Variants in SHTN1 observed in about 807,000 individuals in gnomAD.
SHTN1 encodes the protein shootin-1.
A neutral mutation model predicts 83.1 loss-of-function variants in SHTN1; 42 were observed. The ratio of observed to expected loss-of-function variants is 0.51; its 90% CI spans 0.39 to 0.65. The LOEUF is 0.65. Among genes scored for constraint, SHTN1 ranks in the 30% least tolerant of loss-of-function variants. The pLI, the probability that SHTN1 is intolerant of heterozygous loss-of-function variation, is 0.00. For synonymous variants in SHTN1, 224 were observed against 247.7 expected (o/e 0.90, Z 0.90); for missense variants, 622 against 737.8 (o/e 0.84, Z 1.82).
In SHTN1 at chr10:116,886,532, T is replaced by A. The variant is rs2133294425; in HGVS notation, c.1708A>T (p.Ile570Phe). 4 of 1,614,188 alleles carry A rather than the reference T, an allele frequency of 2.5e-6. No homozygotes were observed. The highest frequency in any genetic ancestry group is 2.5e-6 in the Non-Finnish European group (3 of 1,180,042). The change falls in exon 17 of 17, where the codon ATT (isoleucine) becomes TTT (phenylalanine). Residue 570 changes from isoleucine to phenylalanine, a missense_variant. Transcript: ENST00000355371. ...PSSIGCRKKY[I>F]DGEKQAEPVV... Reference sequence around the variant, plus strand: ...GGTTCGGCTTGTTTTTCACCGTCAATGTATTTTTTCCTGCATCCAATGCTA... The same window carrying A: ...GGTTCGGCTTGTTTTTCACCGTCAAAGTATTTTTTCCTGCATCCAATGCTA...
At chr10:117,051,040 G>T (rs190585911) in intron 1 of SHTN1, among the ~76,000 whole-genome samples, 1 of 152,172 alleles carries the variant, frequency 6.6e-6, no homozygotes, top group Non-Finnish European at 1.5e-5. Context: ...CTGGGTGACA[G>T]AGTGAGATCC....
chr10:117,072,293 TG>T (rs1853092632), intron 1 of SHTN1, among the ~76,000 whole-genome samples: 1 of 152,130 alleles, frequency 6.6e-6, no homozygotes, highest in South Asian at 2.1e-4. Context: ...TTTGTGATTG[TG>T]GTTCCATCAT....
chr10:117,056,900 G>A (rs1852833587), intron 1 of SHTN1, among the ~76,000 whole-genome samples: 1 of 152,136 alleles, frequency 6.6e-6, no homozygotes, highest in Non-Finnish European at 1.5e-5. Context: ...GTTGATAAAA[G>A]CATCTATAAA....
rs371207144 is a variant in SHTN1, at chr10:117,053,669, G to A, written c.-188-5159C>T. 5.3e-5 allele frequency among the ~76,000 whole-genome samples: 8 copies of A among 152,250 alleles called. No individual in the cohort carries two copies. In the East Asian group the frequency reaches 7.7e-4, roughly 15 times the overall value. ...CGCATTGCTAGTGAGAACATGAAAT[G>A]GTGCACATACTGTGGAAAACAGTTT... is the stretch of plus-strand genomic sequence containing the variant. On this transcript the variant is annotated intron_variant, in intron 1 of 17. Transcript: ENST00000392901.
chr10:117,102,065 TAA>T (rs199716651), intron 1 of SHTN1, among the ~76,000 whole-genome samples: 9 of 136,876 alleles, frequency 6.6e-5, no homozygotes, highest in Non-Finnish European at 9.6e-5. Context: ...ACTTTGTTCT[TAA>T]AAAAAAAAAA....
At chr10:116,893,562 A>C (rs1356098616) in intron 16 of SHTN1, among the ~76,000 whole-genome samples, 1 of 151,472 alleles carries the variant, frequency 6.6e-6, no homozygotes, top group African/African-American at 2.4e-5. Flanking sequence ...CCCCTCCCTG[A>C]TAGGCACTCA....
intron 9 of SHTN1, 89 bp from the exon 10 acceptor site, chr10:116,930,091 T>C: frequency 1.2e-6 from 1 of 805,690 alleles, no homozygotes; most frequent in East Asian, 2.7e-5. Context: ...ATATTTCCCT[T>C]TGACTGTACT....
At chr10:117,023,657 G>A (rs1361569471) in intron 2 of SHTN1, 2 of 152,586 alleles carry the variant, frequency 1.3e-5, no homozygotes, top group African/African-American at 2.4e-5. Flanking sequence ...AAGATTGAGC[G>A]TTTTGATCAC....
intron 1 of SHTN1, among the ~76,000 whole-genome samples, chr10:117,076,008 C>T (rs529242029): frequency 1.3e-5 from 2 of 151,912 alleles, no homozygotes; most frequent in East Asian, 3.9e-4. Flanking sequence ...CATAGTGGAA[C>T]CCTATCTCTA....
At chr10:117,033,084 A>G (rs1852443713) in intron 2 of SHTN1, among the ~76,000 whole-genome samples, 1 of 152,176 alleles carries the variant, frequency 6.6e-6, no homozygotes, top group African/African-American at 2.4e-5. Flanking sequence ...TGCCTACATC[A>G]AAAAAGAAGA....
chr10:117,081,045 G>T (rs1479547904), intron 1 of SHTN1, among the ~76,000 whole-genome samples: 2 of 151,924 alleles, frequency 1.3e-5, no homozygotes, highest in African/African-American at 2.4e-5. Flanking sequence ...CCACCTAATT[G>T]CCCTGGCCAG....
intron 1 of SHTN1, among the ~76,000 whole-genome samples, chr10:117,067,680 G>A (rs929942858): frequency 2.6e-5 from 4 of 152,184 alleles, no homozygotes; most frequent in Admixed American, 6.5e-5. Flanking sequence ...AGATCTGGAG[G>A]AGGAAGGACT....
rs1847054897 is a variant in SHTN1 at position 116,882,712 on chromosome 10, AC to A, written c.*3631del. The A allele has an allele frequency of 2.0e-5, 3 of 152,136 alleles. No homozygotes were observed. The highest frequency in any genetic ancestry group is 1.5e-5 in the Non-Finnish European group (1 of 68,044). 9.4% of individuals were successfully genotyped at this position (152,136 alleles called of 1,614,324 possible). A position where few individuals can be genotyped will look rare whatever the true frequency, so the allele number is the denominator to read the frequency against. ...TCCTTTTAAAGAGTACTAACAAGGG[AC>A]CTTAATTTCCTCATAACAGAGCCAA... is the stretch of plus-strand genomic sequence containing the variant. On this transcript the variant is annotated 3_prime_UTR_variant, in exon 17 of 17. Coordinates refer to ENST00000355371, the MANE Select transcript of SHTN1 (RefSeq NM_001127211.3).
At chr10:116,901,727 C>T (rs1847744800) in intron 16 of SHTN1, 38 bp downstream of exon 16, 2 of 1,503,148 alleles carry the variant, frequency 1.3e-6, no homozygotes, top group Non-Finnish European at 1.8e-6. Context: ...ATTACAGATT[C>T]TTCTATACAC....
At chr10:117,042,976 G>A (rs1852608113) in intron 2 of SHTN1, among the ~76,000 whole-genome samples, 2 of 151,996 alleles carry the variant, frequency 1.3e-5, no homozygotes, top group Non-Finnish European at 2.9e-5. Context: ...CCTGTCTGAA[G>A]TCTAAAACTC....
chr10:117,117,897 TAG>T (rs1213122522), intron 1 of SHTN1, among the ~76,000 whole-genome samples: 1 of 152,040 alleles, frequency 6.6e-6, no homozygotes, highest in Non-Finnish European at 1.5e-5. Flanking sequence ...CAAATCAAAA[TAG>T]ATTAAAGACT....
intron 16 of SHTN1, among the ~76,000 whole-genome samples, chr10:116,896,335 GT>G (rs1847519450): frequency 6.6e-6 from 1 of 152,086 alleles, no homozygotes; most frequent in Non-Finnish European, 1.5e-5. Flanking sequence ...CTTGACTTAT[GT>G]TTCAGAAACA....
At chr10:116,942,006 C>A (rs1401128739) in intron 8 of SHTN1, among the ~76,000 whole-genome samples, 1 of 152,104 alleles carries the variant, frequency 6.6e-6, no homozygotes, top group Non-Finnish European at 1.5e-5. Context: ...ATACATGAAA[C>A]CCACATTCTT....
At chr10:117,101,921 C>A (rs986764691) in intron 1 of SHTN1, among the ~76,000 whole-genome samples, 8 of 151,448 alleles carry the variant, frequency 5.3e-5, no homozygotes, top group African/African-American at 1.9e-4. Context: ...TCAAAGTATA[C>A]CTTTCTTTTA....
Sources: allele counts gnomAD v4.1 joint callset (sites outside exome capture counted in the v4.1 genomes callset), GRCh38; gene constraint gnomAD v4.1.1; transcripts MANE v1.5; gene names NCBI Gene and HGNC (gene_info 2026-07-23, HGNC 2026-07-21).